Variants in CDH13 observed in about 807,000 individuals in gnomAD.
CDH13 encodes the protein cadherin 13.
Under a neutral mutation model 63.8 loss-of-function variants are expected in CDH13, and 24 were observed. The ratio of observed to expected loss-of-function variants is 0.38; its 90% CI spans 0.27 to 0.53. The LOEUF is 0.53. CDH13 is among the 20% of genes least tolerant of loss of function. The pLI is 0.85. For synonymous variants in CDH13, 503 were observed against 355.3 expected, an observed-to-expected ratio of 1.42 and a Z score of -4.67; for missense variants, 1,049 against 903.1, an observed-to-expected ratio of 1.16 and a Z score of -2.07.
chr16:83,457,899 G>T (rs1426257349), intron 6 of CDH13, among the ~76,000 whole-genome samples: 2 of 152,176 alleles, frequency 1.3e-5, no homozygotes, highest in Admixed American at 6.5e-5. Flanking sequence ...AGCTCCCCAG[G>T]GAATTTTGCT....
At chr16:82,990,568 A>G (rs1043199712) in intron 2 of CDH13, among the ~76,000 whole-genome samples, 4 of 130,042 alleles carry the variant, frequency 3.1e-5, no homozygotes, top group African/African-American at 9.3e-5. Flanking sequence ...TTTTTTAGAG[A>G]CAGAGTCTCA....
At chr16:82,679,322 C>G (rs553893945) in intron 1 of CDH13, among the ~76,000 whole-genome samples, 2 of 152,170 alleles carry the variant, frequency 1.3e-5, no homozygotes, top group Non-Finnish European at 2.9e-5. Flanking sequence ...TGATCACATA[C>G]CTGGGAACCT....
chr16:83,585,716 C>T (rs2150728977), intron 7 of CDH13, among the ~76,000 whole-genome samples: 1 of 152,002 alleles, frequency 6.6e-6, no homozygotes, highest in South Asian at 2.1e-4. Flanking sequence ...TAAAGAGCTG[C>T]CAGGAGTGGC....
At chr16:83,784,242 T>C (rs540395483) in intron 13 of CDH13, among the ~76,000 whole-genome samples, 37 of 152,320 alleles carry the variant, frequency 2.4e-4, no homozygotes, top group African/African-American at 8.4e-4. Flanking sequence ...TTTTTTATCC[T>C]ACTGACAGTG....
At chr16:83,106,514 C>A (rs1440076122) in intron 3 of CDH13, among the ~76,000 whole-genome samples, 1 of 152,162 alleles carries the variant, frequency 6.6e-6, no homozygotes, top group African/African-American at 2.4e-5. Context: ...GCACTCCAGC[C>A]TGGGCGACAA....
In CDH13 at chr16:83,486,606, A is replaced by C. The variant is rs1286622847; in HGVS notation, c.911A>C (p.Glu304Ala). The C allele has an allele frequency of 1.2e-6, 2 of 1,613,824 alleles. No individual in the cohort carries two copies. The highest frequency in any genetic ancestry group is 3.3e-5 in the Admixed American group (2 of 60,008). ...CCCAACATGTTCTACATCGATCCTGAGAAAGGAGACATTGTCACTGTTGTG... is the reference window on the plus strand; with the variant it reads ...CCCAACATGTTCTACATCGATCCTGCGAAAGGAGACATTGTCACTGTTGTG... The part of the protein sequence containing the change: ...PSPNMFYIDP[E>A]KGDIVTVVSP... The change falls in exon 7 of 14, where the codon GAG (glutamate) becomes GCG (alanine). Residue 304 changes from glutamate to alanine, a missense_variant. Glu to Ala is a moderately radical substitution (Grantham distance 107). Coordinates refer to ENST00000567109, the MANE Select transcript of CDH13 (RefSeq NM_001257.5).
chr16:82,858,256 T>C, intron 1 of CDH13, 106 bp from the exon 2 acceptor site: 2 of 676,568 alleles, frequency 3.0e-6, no homozygotes, highest in East Asian at 2.7e-5. Context: ...ATTTGGGAAA[T>C]GAAATCAAAA....
intron 1 of CDH13, among the ~76,000 whole-genome samples, chr16:82,814,093 G>T (rs891151100): frequency 2.6e-5 from 4 of 152,096 alleles, no homozygotes; most frequent in African/African-American, 9.7e-5. Context: ...ATACCAAAGT[G>T]CCTGGCTGTG....
At chr16:82,765,484 C>T (rs761403115) in intron 1 of CDH13, among the ~76,000 whole-genome samples, 5 of 152,208 alleles carry the variant, frequency 3.3e-5, no homozygotes, top group Admixed American at 6.5e-5. Context: ...ACTGAAAATC[C>T]GCTGACAGCT....
intron 5 of CDH13, among the ~76,000 whole-genome samples, chr16:83,311,753 T>G (rs1211919791): frequency 1.3e-5 from 2 of 152,196 alleles, no homozygotes; most frequent in East Asian, 1.9e-4. Context: ...TATTCCAGCT[T>G]GGACAAATTC....
At chr16:83,191,627 T>C (rs559782118) in intron 4 of CDH13, among the ~76,000 whole-genome samples, 2 of 149,094 alleles carry the variant, frequency 1.3e-5, no homozygotes, top group Admixed American at 6.8e-5. Context: ...GGTCCCACAA[T>C]AGGCCATCTG....
intron 7 of CDH13, among the ~76,000 whole-genome samples, chr16:83,546,011 C>G (rs1193652994): frequency 6.6e-6 from 1 of 152,070 alleles, no homozygotes; most frequent in Non-Finnish European, 1.5e-5. Flanking sequence ...AAAACATAAG[C>G]TAATACTTAA....
chr16:83,109,718 G>A (rs1254713814), intron 3 of CDH13, among the ~76,000 whole-genome samples: 1 of 152,136 alleles, frequency 6.6e-6, no homozygotes, highest in Non-Finnish European at 1.5e-5. Flanking sequence ...CACCTGTAGA[G>A]CGCTGCAAGA....
intron 1 of CDH13, among the ~76,000 whole-genome samples, chr16:82,827,421 T>G (rs917943229): frequency 4.0e-5 from 6 of 151,814 alleles, no homozygotes; most frequent in Non-Finnish European, 7.4e-5. Context: ...GAGCCAGAGG[T>G]TCTGAACAAA....
At chr16:83,459,766 G>A (rs2073128037) in intron 6 of CDH13, among the ~76,000 whole-genome samples, 1 of 152,200 alleles carries the variant, frequency 6.6e-6, no homozygotes, top group South Asian at 2.1e-4. Context: ...GGAGGTGAAA[G>A]GAAGGATCTA....
chr16:83,694,249 G>C (rs1446001777), intron 10 of CDH13, among the ~76,000 whole-genome samples: 3 of 152,182 alleles, frequency 2.0e-5, no homozygotes, highest in Non-Finnish European at 4.4e-5. Flanking sequence ...CAATGAACAT[G>C]ACCTGTGTTC....
chr16:83,720,694 G>A (rs1909576625), intron 10 of CDH13, among the ~76,000 whole-genome samples: 1 of 152,166 alleles, frequency 6.6e-6, no homozygotes, highest in Non-Finnish European at 1.5e-5. Context: ...AGACACCTTT[G>A]CCACGCTCCA....
chr16:83,244,896 A>T (rs1904833250), intron 5 of CDH13, among the ~76,000 whole-genome samples: 1 of 152,156 alleles, frequency 6.6e-6, no homozygotes, highest in Admixed American at 6.5e-5. Flanking sequence ...CCTTTGCCTG[A>T]TAGGTTCCAA....
chr16:83,459,884 C>T (rs958057289), intron 6 of CDH13, among the ~76,000 whole-genome samples: 11 of 152,112 alleles, frequency 7.2e-5, no homozygotes, highest in Admixed American at 4.6e-4. Context: ...AAGAGGAATG[C>T]CCAAGGCATA....
Sources: allele counts gnomAD v4.1 joint callset (sites outside exome capture counted in the v4.1 genomes callset), GRCh38; gene constraint gnomAD v4.1.1; transcripts MANE v1.5; gene names NCBI Gene and HGNC (gene_info 2026-07-23, HGNC 2026-07-21).